URI1: variants seen among roughly 807,000 people sequenced by gnomAD.
URI1 encodes the protein URI1 prefoldin like chaperone.
URI1 carries 39 observed loss-of-function variants against 60.2 expected under a neutral mutation model. The observed-to-expected ratio is 0.65, with a 90% CI of 0.50 to 0.85. The LOEUF is 0.85. Among genes scored for constraint, URI1 ranks in the 40% least tolerant of loss-of-function variants. The pLI, the probability that URI1 is intolerant of heterozygous loss-of-function variation, is 0.00. For synonymous variants in URI1, 251 were observed against 236.8 expected (o/e 1.06, Z -0.55); for missense variants, 691 against 665.9 (o/e 1.04, Z -0.42).
chr19:29,956,568 T>C, intron 1 of URI1: 9 of 1,519,296 alleles, frequency 5.9e-6, no homozygotes, highest in Non-Finnish European at 8.2e-6. Flanking sequence ...TTAATTCATC[T>C]TTCTGGGCTT....
chr19:30,002,122 T>A (rs1179666855), intron 4 of URI1, among the ~76,000 whole-genome samples: 3 of 152,024 alleles, frequency 2.0e-5, no homozygotes, highest in Non-Finnish European at 4.4e-5. Context: ...TTCATACTAT[T>A]CAGTACATAT....
chr19:29,947,042 TC>T (rs1410195181), intron 1 of URI1, among the ~76,000 whole-genome samples: 3 of 152,152 alleles, frequency 2.0e-5, no homozygotes, highest in African/African-American at 7.2e-5. Flanking sequence ...AGAGAGGGCT[TC>T]TCTGTTAGGT....
intron 1 of URI1, among the ~76,000 whole-genome samples, chr19:29,952,506 A>T (rs2055192451): frequency 1.3e-5 from 2 of 152,132 alleles, no homozygotes; most frequent in South Asian, 4.1e-4. Flanking sequence ...TTCTTCCTCC[A>T]TTGGCATGGT....
At chr19:29,960,301 A>G (rs1390807272) in intron 1 of URI1, among the ~76,000 whole-genome samples, 2 of 152,110 alleles carry the variant, frequency 1.3e-5, no homozygotes, top group Non-Finnish European at 2.9e-5. Context: ...GGCTGCTTGA[A>G]TATGTTGTTC....
chr19:29,978,331 T>A (rs2055551160), intron 2 of URI1, among the ~76,000 whole-genome samples: 1 of 152,208 alleles, frequency 6.6e-6, no homozygotes, highest in Non-Finnish European at 1.5e-5. Flanking sequence ...GTTTCCAGTG[T>A]CAATATGGTT....
chr19:29,959,281 A>G (rs190030165), intron 1 of URI1, among the ~76,000 whole-genome samples: 8 of 152,218 alleles, frequency 5.3e-5, no homozygotes, highest in African/African-American at 1.9e-4. Context: ...ATGCGCCACC[A>G]TGCCTGGCTA....
At chr19:30,004,077 T>C (rs1034926731) in intron 4 of URI1, among the ~76,000 whole-genome samples, 8 of 152,148 alleles carry the variant, frequency 5.3e-5, no homozygotes, top group East Asian at 1.9e-4. Context: ...ATCAAAGATA[T>C]ATGACTTAAG....
chr19:29,964,459 G>GTTTTTT (rs202018051), intron 1 of URI1, among the ~76,000 whole-genome samples: 6 of 133,350 alleles, frequency 4.5e-5, no homozygotes, highest in African/African-American at 5.7e-5. Context: ...TTTGTTTTTT[G>GTTTTTT]TTTTGTTTTT....
chr19:29,946,727 C>G (rs768395586), intron 1 of URI1, among the ~76,000 whole-genome samples: 2 of 152,204 alleles, frequency 1.3e-5, no homozygotes, highest in Non-Finnish European at 2.9e-5. Flanking sequence ...GTTTAAAGAA[C>G]TGTCAGCCAC....
At position 30,009,050 on chromosome 19, in the gene URI1, T is replaced by C. The variant is rs2055980658; in HGVS notation, c.732T>C (p.Ser244=). 2 of 1,613,760 alleles carry C rather than the reference T, an allele frequency of 1.2e-6. No individual in the cohort carries two copies. The highest frequency in any genetic ancestry group is 2.7e-5 in the African/African-American group (2 of 75,048). The change falls in exon 8 of 11, where the codon TCT becomes TCC. Residue 244 remains serine (S), a synonymous_variant. Coordinates refer to ENST00000392271, the MANE Select transcript of URI1 (RefSeq NM_003796.3). ...CAAATGGAGAAGATACGACATCTTC[T>C]GAAGAGGAAAAGGAAGATCGTAACA... ...VIANGEDTTS[S]EEEKEDRNTN...
intron 2 of URI1, chr19:29,983,097 TAAAC>T (rs2055619100): frequency 6.6e-6 from 1 of 152,196 alleles, no homozygotes; most frequent in Admixed American, 6.5e-5. Context: ...ATTTTTGCCT[TAAAC>T]AAAAGAATAA....
chr19:29,961,471 T>C (rs1337901767), intron 1 of URI1, among the ~76,000 whole-genome samples: 1 of 152,098 alleles, frequency 6.6e-6, no homozygotes, highest in Non-Finnish European at 1.5e-5. Flanking sequence ...GTCCACGTTG[T>C]GGCACATATC....
intron 9 of URI1, 143 bp from the exon 10 acceptor site, chr19:30,012,142 G>C: frequency 1.1e-6 from 1 of 946,334 alleles, no homozygotes; most frequent in Non-Finnish European, 1.5e-6. Context: ...TAAAATTATT[G>C]TGATTGTGAC....
Position 29,970,128 on chromosome 19 carries a change from A to ATTT in URI1, c.118-1039_118-1037dup, listed in dbSNP as rs199739403. ...GACAGGTCTAAAAAAAATCGTGTGTATTTTTTTTTTTTTTTTTTTTTTTTT... is the reference window on the plus strand; with the variant it reads ...GACAGGTCTAAAAAAAATCGTGTGTATTTTTTTTTTTTTTTTTTTTTTTTTTTT... On this transcript the variant is annotated intron_variant, in intron 1 of 10. Transcript: ENST00000392271. 6.4e-4 allele frequency among the ~76,000 whole-genome samples: 48 copies of ATTT among 74,536 alleles called. 5 individuals carry two copies. The highest frequency in any genetic ancestry group is 1.6e-3 in the African/African-American group (33 of 20,864). 48.9% of individuals were successfully genotyped at this position (74,536 alleles called of 152,430 possible).
At chr19:29,935,265 G>C (rs1042935444) in intron 1 of URI1, among the ~76,000 whole-genome samples, 1 of 151,884 alleles carries the variant, frequency 6.6e-6, no homozygotes, top group Non-Finnish European at 1.5e-5. Context: ...TACTAACTTA[G>C]TTTTAAGAGT....
chr19:29,944,169 AT>A lies in URI1; in HGVS notation c.117+1506del, dbSNP rs1247182119. ...TATATATATATATATATATATATAT[AT>A]ATATATATATATATATATATATAAA... On this transcript the variant is annotated intron_variant, in intron 1 of 10. Transcript: ENST00000392271. Among the ~76,000 whole-genome samples, 10 of 76,256 alleles carry A rather than the reference AT, an allele frequency of 1.3e-4. 1 individual carries two copies. Among genetic ancestry groups the A allele is most frequent in the African/African-American group, 6.6e-4 (10 of 15,080 alleles). The allele number at this position is 76,256 out of a possible 152,430, so 50.0% of individuals were successfully genotyped here.
At position 30,005,457 on chromosome 19, in the gene URI1, G is replaced by C; in HGVS notation, c.459+5G>C. On this transcript the variant is annotated splice_donor_5th_base_variant and intron_variant, in intron 5 of 10. Coordinates refer to ENST00000392271, the MANE Select transcript of URI1 (RefSeq NM_003796.3). ...GATTTGCAGAAAATGAGCGATGTGA[G>C]TATTTGTTTTTAGTCTTCTATATTT... 6.3e-7 allele frequency: 1 copy of C among 1,586,470 alleles called. No individual in the cohort carries two copies. Among genetic ancestry groups the C allele is most frequent in the Non-Finnish European group, 8.5e-7 (1 of 1,169,784 alleles).
chr19:30,007,425 T>C, intron 6 of URI1, 45 bp from the exon 7 acceptor site: 1 of 1,595,314 alleles, frequency 6.3e-7, no homozygotes, highest in Non-Finnish European at 8.5e-7. Flanking sequence ...TGTGCCTTTT[T>C]TATGTTGGCT....
In URI1 at chr19:30,011,249, C is replaced by T. The variant is rs769213348; in HGVS notation, c.1178+13C>T. On this transcript the variant is annotated intron_variant, in intron 9 of 10. Coordinates refer to ENST00000392271, the MANE Select transcript of URI1 (RefSeq NM_003796.3). Reference sequence around the variant, plus strand: ...CAGACATTTACAGGTGGGAGGCGCTCACAGCTGCAGGGCAGTCTGCTGGGC... The same window carrying T: ...CAGACATTTACAGGTGGGAGGCGCTTACAGCTGCAGGGCAGTCTGCTGGGC... 1.0e-5 allele frequency: 16 copies of T among 1,593,268 alleles called. 1 individual carries two copies. The highest frequency in any genetic ancestry group is 1.7e-4 in the Middle Eastern group (1 of 5,978).
Sources: allele counts gnomAD v4.1 joint callset (sites outside exome capture counted in the v4.1 genomes callset), GRCh38; gene constraint gnomAD v4.1.1; transcripts MANE v1.5; gene names NCBI Gene and HGNC (gene_info 2026-07-23, HGNC 2026-07-21).